The following CCDC158 variants were observed in gnomAD, a reference collection of about 807,000 sequenced individuals.
CCDC158 encodes coiled-coil domain-containing protein 158.
In CCDC158, 116 loss-of-function variants were observed where a neutral mutation model predicts 138.6. That is an observed-to-expected ratio of 0.84 (90% confidence interval 0.72 to 0.98). The LOEUF (loss-of-function observed/expected upper bound fraction) is 0.98. CCDC158 is among the 50% of genes least tolerant of loss of function. The pLI is 0.00. For missense variants in CCDC158, 1,265 were observed against 1,306.1 expected (o/e 0.97, Z 0.48); for synonymous variants, 436 against 442.4 (o/e 0.99, Z 0.18).
chr4:76,344,093 A>G (rs1722313715), intron 18 of CCDC158, among the ~76,000 whole-genome samples: 2 of 152,196 alleles, frequency 1.3e-5, no homozygotes, highest in African/African-American at 4.8e-5. Context: ...ATGATTGTAT[A>G]TTTAGAAAAC....
intron 4 of CCDC158, among the ~76,000 whole-genome samples, chr4:76,390,110 C>T (rs1727179294): frequency 6.6e-6 from 1 of 151,984 alleles, no homozygotes; most frequent in Admixed American, 6.6e-5. Context: ...AGTAGAAAGG[C>T]TAAATGATAA....
intron 13 of CCDC158, among the ~76,000 whole-genome samples, chr4:76,360,760 T>C (rs10018875): frequency 0.029 from 4,457 of 152,322 alleles, 214 homozygotes; most frequent in African/African-American, 0.1. Context: ...TTTTATTTTA[T>C]AGGCTCATAG....
chr4:76,331,613 G>A (rs1052953900), intron 20 of CCDC158, among the ~76,000 whole-genome samples: 2 of 152,206 alleles, frequency 1.3e-5, no homozygotes, highest in African/African-American at 4.8e-5. Flanking sequence ...AAAAGAGTGA[G>A]AATGGGGCAT....
chr4:76,324,973 T>C (rs568265300), intron 23 of CCDC158, among the ~76,000 whole-genome samples: 1 of 152,300 alleles, frequency 6.6e-6, no homozygotes, highest in East Asian at 1.9e-4. Context: ...GAAATTGGAT[T>C]TGTCAGTCTC....
At chr4:76,372,691 C>T (rs1327076916) in intron 9 of CCDC158, among the ~76,000 whole-genome samples, 3 of 151,816 alleles carry the variant, frequency 2.0e-5, no homozygotes, top group Non-Finnish European at 2.9e-5. Flanking sequence ...CCATTCTAAC[C>T]CTCATTTTGT....
chr4:76,383,107 A>G (rs1166906743), intron 7 of CCDC158, among the ~76,000 whole-genome samples: 1 of 152,228 alleles, frequency 6.6e-6, no homozygotes, highest in African/African-American at 2.4e-5. Flanking sequence ...GGTTTTTCCA[A>G]CAAATGAGTG....
intron 3 of CCDC158, 63 bp downstream of exon 3, chr4:76,403,075 G>T: frequency 8.7e-7 from 1 of 1,146,716 alleles, no homozygotes; most frequent in Non-Finnish European, 1.3e-6. Context: ...AGAAACAGCA[G>T]CTTGAATGAA....
At chr4:76,314,214 T>C (rs987645179) in intron 24 of CCDC158, among the ~76,000 whole-genome samples, 2 of 152,218 alleles carry the variant, frequency 1.3e-5, no homozygotes, top group African/African-American at 4.8e-5. Flanking sequence ...AAAAAGGTCT[T>C]TTTATTTTGT....
At chr4:76,331,022 A>G (rs1377298635) in intron 21 of CCDC158, among the ~76,000 whole-genome samples, 4 of 152,206 alleles carry the variant, frequency 2.6e-5, no homozygotes, top group Non-Finnish European at 5.9e-5. Context: ...AGATACAGCA[A>G]TGAATTAGCC....
intron 9 of CCDC158, among the ~76,000 whole-genome samples, chr4:76,378,103 T>A (rs2110283798): frequency 1.3e-5 from 2 of 152,298 alleles, no homozygotes; most frequent in African/African-American, 4.8e-5. Flanking sequence ...TTTAGTAAAG[T>A]CCTGTCTAAA....
At chr4:76,336,745 C>A (rs1056921988) in intron 18 of CCDC158, among the ~76,000 whole-genome samples, 6 of 152,204 alleles carry the variant, frequency 3.9e-5, no homozygotes, top group African/African-American at 1.4e-4. Flanking sequence ...TACTTCCTGA[C>A]ACACACCTCA....
At chr4:76,383,600 A>G in intron 7 of CCDC158, 62 bp downstream of exon 7, 1 of 1,226,894 alleles carries the variant, frequency 8.2e-7, no homozygotes, top group South Asian at 1.2e-5. Context: ...ATTGTGGCCG[A>G]AACACTGTAA....
At chr4:76,341,249 A>G (rs1370867659) in intron 18 of CCDC158, among the ~76,000 whole-genome samples, 4 of 152,276 alleles carry the variant, frequency 2.6e-5, no homozygotes, top group South Asian at 2.1e-4. Flanking sequence ...GCCTAGGGAG[A>G]GTGTACTCCT....
rs758067497 is a variant in CCDC158, at chr4:76,350,985, T to C, written c.2664+11A>G. On this transcript the variant is annotated intron_variant, in intron 18 of 24. Transcript: ENST00000682701. ...TCATTTGCGTAATGGATCATAAGAC[T>C]GGTTACTTACATGAGACAGGAAGCT... 6.2e-6 allele frequency: 10 copies of C among 1,612,066 alleles called. No homozygotes were observed. Among genetic ancestry groups the C allele is most frequent in the Non-Finnish European group, 7.6e-6 (9 of 1,179,022 alleles).
chr4:76,399,972 C>A (rs1309997552), intron 3 of CCDC158, among the ~76,000 whole-genome samples: 1 of 151,908 alleles, frequency 6.6e-6, no homozygotes, highest in Admixed American at 6.6e-5. Context: ...AAATAGTGGG[C>A]CTTCAGCATA....
chr4:76,358,030 TATTTATATGATTAG>T (rs1324749501), intron 13 of CCDC158, among the ~76,000 whole-genome samples: 2 of 152,136 alleles, frequency 1.3e-5, no homozygotes, highest in Admixed American at 6.6e-5. Flanking sequence ...TATATGTATC[TATTTATATGATTAG>T]ATTTATATAG....
chr4:76,324,469 GA>G (rs1329231011), intron 23 of CCDC158, among the ~76,000 whole-genome samples: 1 of 152,090 alleles, frequency 6.6e-6, no homozygotes, highest in Admixed American at 6.6e-5. Context: ...TTACAGACAT[GA>G]GCCACAGCGC....
rs1353569829 is a variant in CCDC158 at position 76,400,913 on chromosome 4, A to G, written c.70+2225T>C. Among the ~76,000 whole-genome samples the G allele has an allele frequency of 2.0e-5, 3 of 152,184 alleles. No individual in the cohort carries two copies. The East Asian group carries it at 5.8e-4, about 29-fold the overall frequency. On this transcript the variant is annotated intron_variant, in intron 3 of 24. Coordinates refer to ENST00000682701, the MANE Select transcript of CCDC158 (RefSeq NM_001394954.1). ...GACTGGCTGAAATAAGGAATGATAC[A>G]AAAGAAAGTGAAGATAGAAAGAGGT...
At chr4:76,322,235 T>TA (rs1165277202) in intron 24 of CCDC158, among the ~76,000 whole-genome samples, 1 of 152,180 alleles carries the variant, frequency 6.6e-6, no homozygotes, top group Non-Finnish European at 1.5e-5. Flanking sequence ...TCTTGGGTTA[T>TA]CACAGGGACT....
Sources: allele counts gnomAD v4.1 joint callset (sites outside exome capture counted in the v4.1 genomes callset), GRCh38; gene constraint gnomAD v4.1.1; transcripts MANE v1.5; gene names NCBI Gene and HGNC (gene_info 2026-07-23, HGNC 2026-07-21).